HERC4: variants seen among roughly 807,000 people sequenced by gnomAD.
The protein encoded by HERC4 is HECT and RLD domain containing E3 ubiquitin protein ligase 4.
A neutral mutation model predicts 124.3 loss-of-function variants in HERC4; 28 were observed. The ratio of observed to expected loss-of-function variants is 0.23; its 90% CI spans 0.17 to 0.31. HERC4 has a LOEUF of 0.31. Ranked by LOEUF, HERC4 falls within the 10% of genes least tolerant of loss-of-function variation. The probability of loss-of-function intolerance (pLI) is 1.00; values close to 1 mark genes in which losing one functional copy is unlikely to be tolerated. For missense variants in HERC4, 713 were observed against 1,229.3 expected (o/e 0.58, Z 6.28); for synonymous variants, 407 against 421.5 (o/e 0.97, Z 0.42).
chr10:67,986,320 C>G (rs944434287), intron 15 of HERC4, among the ~76,000 whole-genome samples: 2 of 152,194 alleles, frequency 1.3e-5, no homozygotes, highest in African/African-American at 4.8e-5. Flanking sequence ...AACAAAATCA[C>G]TGTCTTATGA....
chr10:68,011,476 A>G (rs2037951436), intron 9 of HERC4, among the ~76,000 whole-genome samples: 1 of 152,246 alleles, frequency 6.6e-6, no homozygotes, highest in Admixed American at 6.5e-5. Context: ...CAGCAGCAGA[A>G]TGGATGTTGT....
intron 3 of HERC4, among the ~76,000 whole-genome samples, chr10:68,061,390 G>A (rs979330894): frequency 1.3e-5 from 2 of 151,726 alleles, no homozygotes; most frequent in South Asian, 2.1e-4. Context: ...AAAATTAGCC[G>A]GGAGTCATGG....
chr10:68,055,769 T>TTG (rs34727639), intron 3 of HERC4, among the ~76,000 whole-genome samples: 1 of 151,920 alleles, frequency 6.6e-6, no homozygotes, highest in East Asian at 1.9e-4. Context: ...TTTTTTTTTT[T>TTG]GAGACAGAGT....
intron 9 of HERC4, among the ~76,000 whole-genome samples, chr10:68,001,261 A>G (rs1243042771): frequency 6.6e-6 from 1 of 151,944 alleles, no homozygotes; most frequent in African/African-American, 2.4e-5. Flanking sequence ...AGTTCCAGCT[A>G]CTTAGGAGGC....
intron 3 of HERC4, among the ~76,000 whole-genome samples, chr10:68,072,511 C>G (rs1285246848): frequency 1.3e-5 from 2 of 152,058 alleles, no homozygotes; most frequent in Non-Finnish European, 2.9e-5. Context: ...TCCCCCCTCC[C>G]AAAGTAAGGT....
chr10:68,059,772 ATATAT>A (rs1412599406), intron 3 of HERC4, among the ~76,000 whole-genome samples: 4 of 91,662 alleles, frequency 4.4e-5, no homozygotes, highest in Non-Finnish European at 7.3e-5. Flanking sequence ...TCATAATATT[ATATAT>A]TATAATATTA....
chr10:68,033,702 G>GA (rs1168173958), intron 6 of HERC4, among the ~76,000 whole-genome samples: 1 of 152,162 alleles, frequency 6.6e-6, no homozygotes, highest in African/African-American at 2.4e-5. Context: ...TTAACAATTT[G>GA]AAGTAATGTT....
intron 16 of HERC4, chr10:67,965,986 T>C (rs139879527): frequency 6.6e-6 from 1 of 152,354 alleles, no homozygotes; most frequent in East Asian, 1.9e-4. Context: ...CTTAGCTGCA[T>C]AAAAAGATGT....
intron 3 of HERC4, among the ~76,000 whole-genome samples, chr10:68,057,514 C>T (rs886601732): frequency 6.6e-6 from 1 of 151,316 alleles, no homozygotes; most frequent in Non-Finnish European, 1.5e-5. Flanking sequence ...ATCCCAGCTA[C>T]TTGGGAGGCT....
rs150015363 is a variant in HERC4, at chr10:68,022,368, G to A, written c.908+3178C>T. Among the ~76,000 whole-genome samples the A allele has an allele frequency of 6.7e-3, 1,018 of 152,014 alleles. 6 individuals are homozygous for A. The highest frequency in any genetic ancestry group is 8.6e-3 in the Admixed American group (131 of 15,254). ...CACAAAATTAGTCGGGCAAGGTGGC[G>A]CATGCCTGTAATCCCAGTCACTTGG... On this transcript the variant is annotated intron_variant, in intron 8 of 24. Transcript: ENST00000373700.
At chr10:68,035,112 C>CA (rs1318066069) in intron 5 of HERC4, among the ~76,000 whole-genome samples, 1 of 150,676 alleles carries the variant, frequency 6.6e-6, no homozygotes, top group African/African-American at 2.4e-5. Flanking sequence ...AGCTTCCTTC[C>CA]AAAAAAATCA....
At chr10:67,989,968 C>T (rs575340529) in intron 14 of HERC4, among the ~76,000 whole-genome samples, 30 of 152,134 alleles carry the variant, frequency 2.0e-4, no homozygotes, top group African/African-American at 7.2e-4. Flanking sequence ...TTTTAACTTT[C>T]CTAATACTGT....
At chr10:68,051,895 G>C (rs1384137042) in intron 3 of HERC4, among the ~76,000 whole-genome samples, 1 of 146,374 alleles carries the variant, frequency 6.8e-6, no homozygotes, top group Admixed American at 6.8e-5. Flanking sequence ...TCTCGAACTC[G>C]TGAGCTCAAG....
intron 3 of HERC4, among the ~76,000 whole-genome samples, chr10:68,064,788 T>C (rs1181852505): frequency 6.6e-6 from 1 of 151,750 alleles, no homozygotes; most frequent in East Asian, 1.9e-4. Flanking sequence ...CTGGCCAAAA[T>C]GGTGAAACCT....
chr10:67,973,202 T>A (rs749956974), intron 15 of HERC4, among the ~76,000 whole-genome samples: 17 of 149,094 alleles, frequency 1.1e-4, no homozygotes, highest in South Asian at 6.4e-4. Flanking sequence ...GGAAAACATT[T>A]AAAAAAAAAA....
intron 9 of HERC4, among the ~76,000 whole-genome samples, chr10:68,004,047 C>T (rs1219231466): frequency 6.6e-6 from 1 of 152,130 alleles, no homozygotes. Context: ...CCATTTTAAC[C>T]AGAGTGAGAT....
chr10:68,073,833 T>G (rs2041681802), intron 1 of HERC4, 147 bp from the exon 2 acceptor site: 1 of 152,148 alleles, frequency 6.6e-6, no homozygotes, highest in African/African-American at 2.4e-5. Context: ...ATCCCAGATT[T>G]CAAATCAAAA....
chr10:67,924,906 A>G (rs1297068393), intron 24 of HERC4, among the ~76,000 whole-genome samples, 179 bp downstream of exon 24: 1 of 152,244 alleles, frequency 6.6e-6, no homozygotes, highest in African/African-American at 2.4e-5. Flanking sequence ...TCATAGAATG[A>G]ATCAATGCTA....
rs573645399 is a variant in HERC4, at chr10:68,069,959, T to C, written c.226+2924A>G. ...CGGGAGGCCGAGGCAGGAGAATCGC[T>C]TGAACCTGGGAGGCGGAGGTTGCAG... On this transcript the variant is annotated intron_variant, in intron 3 of 24. Transcript: ENST00000373700. The C allele has an allele frequency of 4.0e-5, 21 of 521,258 alleles. No individual in the cohort carries two copies. In the South Asian group the frequency reaches 1.7e-3, roughly 42 times the overall value. The allele number at this position is 521,258 out of a possible 1,614,324, so 32.3% of individuals were successfully genotyped here.
Sources: allele counts gnomAD v4.1 joint callset (sites outside exome capture counted in the v4.1 genomes callset), GRCh38; gene constraint gnomAD v4.1.1; transcripts MANE v1.5; gene names NCBI Gene and HGNC (gene_info 2026-07-23, HGNC 2026-07-21).